Variants in RBFOX1 observed in about 807,000 individuals in gnomAD.
The protein encoded by RBFOX1 is RNA binding protein fox-1 homolog 1.
Under a neutral mutation model 57.7 loss-of-function variants are expected in RBFOX1, and 8 were observed. That is an observed-to-expected ratio of 0.14 (90% CI 0.08 to 0.25). The LOEUF (loss-of-function observed/expected upper bound fraction) is 0.25. Ranked by LOEUF, RBFOX1 falls within the 10% of genes least tolerant of loss-of-function variation. The pLI is 1.00. For synonymous variants in RBFOX1, 326 were observed against 222.4 expected, an observed-to-expected ratio of 1.47 and a Z score of -4.15; for missense variants, 611 against 548.5, an observed-to-expected ratio of 1.11 and a Z score of -1.14.
At chr16:6,888,818 C>T (rs925840828) in intron 3 of RBFOX1, among the ~76,000 whole-genome samples, 9 of 152,140 alleles carry the variant, frequency 5.9e-5, no homozygotes, top group African/African-American at 2.2e-4. Context: ...AACATTAGAT[C>T]TTATTGCTTC....
intron 1 of RBFOX1, among the ~76,000 whole-genome samples, chr16:5,260,107 A>G (rs2062696721): frequency 6.6e-6 from 1 of 152,210 alleles, no homozygotes; most frequent in South Asian, 2.1e-4. Context: ...AGGCTGAGGC[A>G]GGAGAATCGC....
chr16:7,036,385 C>A (rs965463255), intron 3 of RBFOX1, among the ~76,000 whole-genome samples: 1 of 152,018 alleles, frequency 6.6e-6, no homozygotes, highest in African/African-American at 2.4e-5. Context: ...AATGCAGATC[C>A]CCAGATAGGG....
intron 4 of RBFOX1, among the ~76,000 whole-genome samples, chr16:7,140,868 C>T (rs1396974471): frequency 6.6e-6 from 1 of 152,194 alleles, no homozygotes; most frequent in Non-Finnish European, 1.5e-5. Flanking sequence ...TCATGAAGCT[C>T]TTTTGTGAAA....
chr16:7,198,929 A>G (rs920620863), intron 4 of RBFOX1, among the ~76,000 whole-genome samples: 7 of 152,192 alleles, frequency 4.6e-5, no homozygotes, highest in African/African-American at 1.4e-4. Context: ...TTTGCTCAGT[A>G]TGAACCATGC....
At chr16:6,695,364 T>C (rs1203950162) in intron 3 of RBFOX1, among the ~76,000 whole-genome samples, 2 of 135,408 alleles carry the variant, frequency 1.5e-5, no homozygotes, top group African/African-American at 2.9e-5. Context: ...TGCAATTACC[T>C]GAGATTGCGC....
intron 3 of RBFOX1, among the ~76,000 whole-genome samples, chr16:5,856,156 T>TCA: frequency 5.6e-5 from 2 of 35,616 alleles, no homozygotes; most frequent in African/African-American, 5.2e-4. Flanking sequence ...TATGGTTCTC[T>TCA]CTCTCTCTCT....
At chr16:6,778,723 TCTTC>T (rs2079812186) in intron 3 of RBFOX1, among the ~76,000 whole-genome samples, 1 of 152,096 alleles carries the variant, frequency 6.6e-6, no homozygotes, top group Non-Finnish European at 1.5e-5. Context: ...AACTAGATTG[TCTTC>T]CTGAGTCTTT....
At chr16:6,848,780 C>T (rs560515895) in intron 3 of RBFOX1, among the ~76,000 whole-genome samples, 20 of 152,166 alleles carry the variant, frequency 1.3e-4, no homozygotes, top group African/African-American at 4.6e-4. Flanking sequence ...ACTCAGCAGG[C>T]AGCATTTAAA....
At chr16:6,826,583 A>G (rs989713736) in intron 3 of RBFOX1, among the ~76,000 whole-genome samples, 9 of 152,076 alleles carry the variant, frequency 5.9e-5, no homozygotes, top group African/African-American at 1.2e-4. Context: ...CACGTGCTCT[A>G]TTCCTCCTCT....
intron 3 of RBFOX1, among the ~76,000 whole-genome samples, chr16:6,965,409 C>T (rs916505683): frequency 6.6e-6 from 1 of 151,870 alleles, no homozygotes; most frequent in African/African-American, 2.4e-5. Flanking sequence ...GTGGCGTGAT[C>T]TCAGCTTACT....
chr16:6,194,852 A>T (rs1274243367), intron 1 of RBFOX1, among the ~76,000 whole-genome samples: 1 of 152,204 alleles, frequency 6.6e-6, no homozygotes, highest in Non-Finnish European at 1.5e-5. Context: ...TTAGTGATTA[A>T]TATGGTATGT....
intron 1 of RBFOX1, among the ~76,000 whole-genome samples, chr16:6,027,411 A>G (rs908262038): frequency 3.3e-5 from 5 of 152,180 alleles, no homozygotes; most frequent in Non-Finnish European, 5.9e-5. Context: ...GGTACTAGGA[A>G]GGAGGCAGTG....
At chr16:6,108,108 C>T (rs1441855893) in intron 1 of RBFOX1, among the ~76,000 whole-genome samples, 2 of 152,090 alleles carry the variant, frequency 1.3e-5, no homozygotes, top group Non-Finnish European at 2.9e-5. Context: ...GACCAACATA[C>T]ATGTATTACT....
At chr16:7,680,795 C>G (rs750222928) in intron 14 of RBFOX1, among the ~76,000 whole-genome samples, 4 of 152,096 alleles carry the variant, frequency 2.6e-5, no homozygotes, top group African/African-American at 9.7e-5. Flanking sequence ...CATATTGGCT[C>G]TGTTGTAATA....
chr16:7,249,478 C>T (rs558183483), intron 4 of RBFOX1, among the ~76,000 whole-genome samples: 2 of 152,072 alleles, frequency 1.3e-5, no homozygotes, highest in Non-Finnish European at 2.9e-5. Flanking sequence ...ATTTTTCCAG[C>T]TATCTGAATT....
Position 6,821,990 on chromosome 16 carries a change from G to A in RBFOX1, c.-16+167340G>A, listed in dbSNP as rs146542794. ...ACTGTTTGGGGATGGATGATACTTC[G>A]CTGACATACCTTCTACATGACCAAA... On this transcript the variant is annotated intron_variant, in intron 3 of 15. Transcript: ENST00000550418. Among the ~76,000 whole-genome samples the A allele has an allele frequency of 8.2e-3, 1,253 of 152,154 alleles. 27 individuals are homozygous for A. Among genetic ancestry groups the A allele is most frequent in the African/African-American group, 0.029 (1,204 of 41,502 alleles).
chr16:6,954,475 A>G (rs1309891443), intron 3 of RBFOX1, among the ~76,000 whole-genome samples: 1 of 152,212 alleles, frequency 6.6e-6, no homozygotes, highest in African/African-American at 2.4e-5. Context: ...ACTCAGTTTA[A>G]AACGTAATTT....
At chr16:6,294,876 A>T (rs1467973633) in intron 1 of RBFOX1, among the ~76,000 whole-genome samples, 1 of 151,958 alleles carries the variant, frequency 6.6e-6, no homozygotes, top group East Asian at 1.9e-4. Flanking sequence ...ACCGTTCCCT[A>T]TCATTTAAGG....
intron 1 of RBFOX1, among the ~76,000 whole-genome samples, chr16:5,413,490 C>A (rs1023136560): frequency 6.6e-6 from 1 of 152,162 alleles, no homozygotes; most frequent in South Asian, 2.1e-4. Context: ...CAGTAGCCAC[C>A]ACTCCCGTGT....
Sources: allele counts gnomAD v4.1 joint callset (sites outside exome capture counted in the v4.1 genomes callset), GRCh38; gene constraint gnomAD v4.1.1; transcripts MANE v1.5; gene names NCBI Gene and HGNC (gene_info 2026-07-23, HGNC 2026-07-21).